The following DDIAS variants were observed in gnomAD, a reference collection of about 807,000 sequenced individuals.
DDIAS encodes the protein DNA damage-induced apoptosis suppressor protein.
DDIAS carries 14 observed loss-of-function variants against 15.7 expected under a neutral mutation model. The ratio of observed to expected loss-of-function variants is 0.89; its 90% CI spans 0.59 to 1.39. DDIAS has a LOEUF of 1.39. Among genes scored for constraint, DDIAS ranks in the 40% most tolerant of loss-of-function variants. The pLI, the probability that DDIAS is intolerant of heterozygous loss-of-function variation, is 0.00. For synonymous variants in DDIAS, 355 were observed against 395.9 expected, an observed-to-expected ratio of 0.90 and a Z score of 1.23; for missense variants, 1,035 against 1,130.9, an observed-to-expected ratio of 0.92 and a Z score of 1.22.
At position 82,928,375 on chromosome 11, in the gene DDIAS, A is replaced by AT. The variant is rs543093542; in HGVS notation, c.114-397dup. 1.5e-3 allele frequency among the ~76,000 whole-genome samples: 226 copies of AT among 151,034 alleles called. 1 individual carries two copies. The highest frequency in any genetic ancestry group is 0.01 in the Middle Eastern group (3 of 292). ...CACCACACCCATCTAATTTTTATGT[A>AT]TTTTTAGTAGAGACAGGGTTTTACC... On this transcript the variant is annotated intron_variant, in intron 3 of 5. Coordinates refer to ENST00000533655, the MANE Select transcript of DDIAS (RefSeq NM_145018.4).
In DDIAS at chr11:82,931,941, C is replaced by G. The variant is rs151051145; in HGVS notation, c.603C>G (p.Asn201Lys). 23 of 1,613,970 alleles carry G rather than the reference C, an allele frequency of 1.4e-5. No homozygotes were observed. The highest frequency in any genetic ancestry group is 1.9e-5 in the Non-Finnish European group (23 of 1,179,958). The change falls in exon 6 of 6, where the codon AAC becomes AAG. Residue 201 changes from asparagine (N) to lysine (K), a missense_variant. By Grantham distance (94) the Asn-to-Lys change is moderately conservative. Transcript: ENST00000533655. ...RKLQCDSQAP[N>K]NHLLALDHSN... ...TTCAGTGTGACTCTCAGGCACCTAA[C>G]AATCACTTACTTGCTTTAGATCACT... is the stretch of plus-strand genomic sequence containing the variant.
At position 82,934,499 on chromosome 11, in the gene DDIAS, T is replaced by C; in HGVS notation, c.*164T>C. On this transcript the variant is annotated 3_prime_UTR_variant, in exon 6 of 6. Transcript: ENST00000533655. Reference sequence around the variant, plus strand: ...GCCTTTTAAAATATAAAGCCATTGTTTTCCCCAGGGTTTTATCTAGAATAC... The same window carrying C: ...GCCTTTTAAAATATAAAGCCATTGTCTTCCCCAGGGTTTTATCTAGAATAC... 1 of 647,474 alleles carries C rather than the reference T, an allele frequency of 1.5e-6. No homozygotes were observed. Among genetic ancestry groups the C allele is most frequent in the Non-Finnish European group, 2.4e-6 (1 of 408,572 alleles). 40.1% of individuals were successfully genotyped at this position (647,474 alleles called of 1,614,324 possible). A position where few individuals can be genotyped will look rare whatever the true frequency, so the allele number is the denominator to read the frequency against.
At position 82,932,857 on chromosome 11, in the gene DDIAS, G is replaced by A. The variant is rs374189506; in HGVS notation, c.1519G>A (p.Val507Ile). Residue 507 changes from valine to isoleucine, a missense_variant, in exon 6 of 6, where the codon GTT becomes ATT. Transcript: ENST00000533655. ...CTGTAAAGGAAATCTAAGTCCTAGT[G>A]TTGAAAAGGAGTCACAACCAGATAA... ...FNCKGNLSPS[V>I]EKESQPDNKV... 9 of 1,613,436 alleles carry A rather than the reference G, an allele frequency of 5.6e-6. No individual in the cohort carries two copies. The East Asian group carries it at 1.6e-4, about 28-fold the overall frequency.
At chr11:82,905,925 C>A (rs1860420574) in intron 1 of DDIAS, among the ~76,000 whole-genome samples, 1 of 152,082 alleles carries the variant, frequency 6.6e-6, no homozygotes, top group African/African-American at 2.4e-5. Flanking sequence ...CAAAAGATAC[C>A]ACATATGAAA....
chr11:82,934,397 G>A lies in DDIAS; in HGVS notation c.*62G>A, dbSNP rs796850256. The stretch of plus-strand genomic sequence containing the variant: ...TGTTTGGAAATGTTTGCCTTCAGGG[G>A]TACGGAAAGCATTCTTTACATTTTG... On this transcript the variant is annotated 3_prime_UTR_variant, in exon 6 of 6. Coordinates refer to ENST00000533655, the MANE Select transcript of DDIAS (RefSeq NM_145018.4). The A allele has an allele frequency of 1.4e-6, 2 of 1,456,218 alleles. No homozygotes were observed. Among genetic ancestry groups the A allele is most frequent in the East Asian group, 2.3e-5 (1 of 43,472 alleles). 90.2% of individuals were successfully genotyped at this position (1,456,218 alleles called of 1,614,324 possible).
Position 82,931,954 on chromosome 11 carries a change from G to C in DDIAS, c.616G>C (p.Ala206Pro). The change falls in exon 6 of 6, where the codon GCT becomes CCT. Residue 206 changes from alanine to proline, a missense_variant. Transcript: ENST00000533655. ...TCAGGCACCTAACAATCACTTACTT[G>C]CTTTAGATCACTCAAATAGTGATCT... Reference protein sequence around the residue: ...DSQAPNNHLLALDHSNSDLSS... With the variant: ...DSQAPNNHLLPLDHSNSDLSS... 1 of 1,614,038 alleles carries C rather than the reference G, an allele frequency of 6.2e-7. No individual in the cohort carries two copies.
chr11:82,914,847 A>G lies in DDIAS; in HGVS notation c.109A>G (p.Lys37Glu). Residue 37 changes from lysine (K) to glutamate (E), a missense_variant, in exon 3 of 6, where the codon AAA becomes GAA. Coordinates refer to ENST00000533655, the MANE Select transcript of DDIAS (RefSeq NM_145018.4). Reference protein sequence around the residue: ...KCFSRIILVSKRSNCPKCGST... With the variant: ...KCFSRIILVSERSNCPKCGST... ...CTTCTCTAGGATAATCCTGGTCTCC[A>G]AAAGGTAAAAGTAAAGTCTGTAAGT... The G allele has an allele frequency of 6.4e-7, 1 of 1,554,146 alleles. No individual in the cohort carries two copies. The highest frequency in any genetic ancestry group is 8.9e-7 in the Non-Finnish European group (1 of 1,128,654).
At chr11:82,926,989 C>G (rs917366308) in intron 3 of DDIAS, among the ~76,000 whole-genome samples, 1 of 151,944 alleles carries the variant, frequency 6.6e-6, no homozygotes, top group Non-Finnish European at 1.5e-5. Context: ...GTTATCATAT[C>G]ATAATATCAG....
chr11:82,916,551 T>C (rs1240031269), intron 3 of DDIAS, among the ~76,000 whole-genome samples: 3 of 152,192 alleles, frequency 2.0e-5, no homozygotes, highest in East Asian at 3.8e-4. Flanking sequence ...ATCAGTAATA[T>C]ATAGATATAA....
At chr11:82,925,550 A>G (rs532732412) in intron 3 of DDIAS, among the ~76,000 whole-genome samples, 1 of 152,330 alleles carries the variant, frequency 6.6e-6, no homozygotes, top group South Asian at 2.1e-4. Context: ...GTAAGCTATG[A>G]TAGCACCACT....
At chr11:82,928,740 A>G (rs1311861244) in intron 3 of DDIAS, 37 bp from the exon 4 acceptor site, 2 of 1,598,886 alleles carry the variant, frequency 1.3e-6, no homozygotes, top group Non-Finnish European at 1.7e-6. Context: ...AAAACATTTA[A>G]TGAACATCTC....
At chr11:82,922,465 A>T (rs1462617118) in intron 3 of DDIAS, 2 of 152,098 alleles carry the variant, frequency 1.3e-5, no homozygotes, top group African/African-American at 4.8e-5. Context: ...CTTGTCTTCA[A>T]GCTGTGAATT....
In DDIAS at chr11:82,931,598, A is replaced by G. The variant is rs1860987370; in HGVS notation, c.394-134A>G. 1.9e-5 allele frequency: 14 copies of G among 725,380 alleles called. No individual in the cohort carries two copies. The South Asian group carries it at 2.5e-4, about 13-fold the overall frequency. 44.9% of individuals were successfully genotyped at this position (725,380 alleles called of 1,614,324 possible). ...GTCTCAAACTCTTGAGGCTCAAGTG[A>G]TCTGCCTGCCTCGGCCTCTCAAAGT... On this transcript the variant is annotated intron_variant, in intron 5 of 5. Transcript: ENST00000533655.
chr11:82,909,879 A>G (rs1860493331), intron 1 of DDIAS, among the ~76,000 whole-genome samples: 1 of 152,156 alleles, frequency 6.6e-6, no homozygotes, highest in South Asian at 2.1e-4. Flanking sequence ...TAAATTATTT[A>G]TCTTTCATCT....
intron 5 of DDIAS, among the ~76,000 whole-genome samples, chr11:82,931,350 GTTTAT>G (rs1025172431): frequency 5.3e-5 from 8 of 152,054 alleles, no homozygotes; most frequent in Middle Eastern, 3.4e-3. Context: ...TTTTAAATCT[GTTTAT>G]TTTATTTTAT....
Position 82,933,712 on chromosome 11 carries a change from T to G in DDIAS, c.2374T>G (p.Phe792Val), listed in dbSNP as rs370417171. 3.7e-6 allele frequency: 6 copies of G among 1,613,050 alleles called. No homozygotes were observed. Among genetic ancestry groups the G allele is most frequent in the Middle Eastern group, 1.6e-4 (1 of 6,076 alleles). ...AAGAATTCATGGGATAAACAGAGCT[T>G]TCAAAAAACCTGTATTTTATTCAGA... is the stretch of plus-strand genomic sequence containing the variant. ...QTRIHGINRA[F>V]KKPVFYSDLD... is the part of the protein sequence containing the mutation. The change falls in exon 6 of 6, where the codon TTC (phenylalanine) becomes GTC (valine). Residue 792 changes from phenylalanine to valine, a missense_variant. Transcript: ENST00000533655.
chr11:82,933,323 C>T lies in DDIAS; in HGVS notation c.1985C>T (p.Thr662Ile), dbSNP rs1861043136. The T allele has an allele frequency of 1.9e-6, 3 of 1,613,884 alleles. No individual in the cohort carries two copies. The highest frequency in any genetic ancestry group is 2.5e-6 in the Non-Finnish European group (3 of 1,179,970). Residue 662 changes from threonine (T) to isoleucine (I), a missense_variant, in exon 6 of 6, where the codon ACA (threonine) becomes ATA (isoleucine). Transcript: ENST00000533655. The part of the protein sequence containing the change: ...MPWGHINNNV[T>I]QSYSIGYEGS... ...TGGGGACATATCAATAACAACGTAA[C>T]ACAGAGCTATTCTATTGGTTATGAA...
intron 5 of DDIAS, 97 bp downstream of exon 5, chr11:82,930,371 G>A: frequency 1.1e-6 from 1 of 871,340 alleles, no homozygotes; most frequent in East Asian, 2.5e-5. Context: ...TTCTGTACAT[G>A]TGAAGGCCTG....
rs771462850 is a variant in DDIAS, at chr11:82,928,926, C to G, written c.263C>G (p.Thr88Ser). 5.0e-6 allele frequency: 8 copies of G among 1,611,296 alleles called. No individual in the cohort carries two copies. Among genetic ancestry groups the G allele is most frequent in the Admixed American group, 1.7e-5 (1 of 59,368 alleles). ...GATACATTTTTTGGTCTTACTGCCA[C>G]TGGTTTGCACAGGTAAGAATACTTA... The part of the protein sequence containing the change: ...CLDTFFGLTA[T>S]GLHRYIQDPN... Residue 88 changes from threonine (T) to serine (S), a missense_variant, in exon 4 of 6, where the codon ACT (threonine) becomes AGT (serine). Transcript: ENST00000533655.
Sources: gnomAD v4.1 joint callset for allele counts (sites outside exome capture counted in the v4.1 genomes callset) on GRCh38, gnomAD v4.1.1 for gene constraint, MANE v1.5 for transcripts, NCBI Gene and HGNC (gene_info 2026-07-23, HGNC 2026-07-21) for gene names.